The following BIRC2 variants were observed in gnomAD, a reference collection of about 807,000 sequenced individuals.
The protein encoded by BIRC2 is baculoviral IAP repeat-containing protein 2.
A neutral mutation model predicts 60.9 loss-of-function variants in BIRC2; 18 were observed. The ratio of observed to expected loss-of-function variants is 0.30; its 90% CI spans 0.20 to 0.44. BIRC2 has a LOEUF of 0.44. BIRC2 is among the 20% of genes least tolerant of loss of function. BIRC2 has a pLI of 1.00. For missense variants in BIRC2, 701 were observed against 728.5 expected, an observed-to-expected ratio of 0.96 and a Z score of 0.43; for synonymous variants, 282 against 247.7, an observed-to-expected ratio of 1.14 and a Z score of -1.30.
chr11:102,349,798 C>T lies in BIRC2; in HGVS notation c.-57C>T, dbSNP rs1451935174. 1 of 1,489,996 alleles carries T rather than the reference C, an allele frequency of 6.7e-7. No individual in the cohort carries two copies. Among genetic ancestry groups the T allele is most frequent in the Non-Finnish European group, 9.0e-7 (1 of 1,109,388 alleles). 92.3% of individuals were successfully genotyped at this position (1,489,996 alleles called of 1,614,324 possible). ...TCTTTTTGTGGTAAAAATCTTAGTT[C>T]ATGTGAAGAAATTTCATGTGAATGT... On this transcript the variant is annotated 5_prime_UTR_variant, in exon 2 of 9. Coordinates refer to ENST00000227758, the MANE Select transcript of BIRC2 (RefSeq NM_001166.5).
chr11:102,369,257 G>T (rs1488146398), intron 6 of BIRC2, among the ~76,000 whole-genome samples: 6 of 147,978 alleles, frequency 4.1e-5, no homozygotes, highest in Non-Finnish European at 3.0e-5. Context: ...CTGGTGCGCT[G>T]CACCCACTAA....
At chr11:102,372,321 C>T (rs894469656) in intron 6 of BIRC2, among the ~76,000 whole-genome samples, 2 of 152,102 alleles carry the variant, frequency 1.3e-5, no homozygotes, top group African/African-American at 4.8e-5. Flanking sequence ...TATAAATTTC[C>T]CTCTACACAC....
chr11:102,354,007 A>G (rs1387057632), intron 3 of BIRC2, among the ~76,000 whole-genome samples: 1 of 152,198 alleles, frequency 6.6e-6, no homozygotes, highest in African/African-American at 2.4e-5. Flanking sequence ...GAACCTGTGC[A>G]TCCAAAATTC....
At chr11:102,355,592 C>G (rs2135807462) in intron 3 of BIRC2, among the ~76,000 whole-genome samples, 1 of 152,040 alleles carries the variant, frequency 6.6e-6, no homozygotes, top group East Asian at 1.9e-4. Flanking sequence ...ATTGCTTAGG[C>G]TATTCTGGGC....
intron 4 of BIRC2, 49 bp downstream of exon 4, chr11:102,363,023 CAA>C (rs749514555): frequency 7.4e-7 from 1 of 1,343,934 alleles, no homozygotes; most frequent in Non-Finnish European, 1.0e-6. Flanking sequence ...TTTATAATAA[CAA>C]AAATATTATT....
At chr11:102,366,540 G>C in intron 5 of BIRC2, among the ~76,000 whole-genome samples, 1 of 151,778 alleles carries the variant, frequency 6.6e-6, no homozygotes, top group Non-Finnish European at 1.5e-5. Context: ...CTAATTTTTT[G>C]TATTTTTTTT....
intron 6 of BIRC2, among the ~76,000 whole-genome samples, chr11:102,374,306 T>C (rs1352429897): frequency 0.013 from 1,946 of 150,764 alleles, 35 homozygotes; most frequent in Middle Eastern, 0.021. Flanking sequence ...GTTTTATCTA[T>C]TTTTGGTCTT....
chr11:102,353,001 A>C (rs1951380904), intron 3 of BIRC2, among the ~76,000 whole-genome samples: 1 of 152,144 alleles, frequency 6.6e-6, no homozygotes, highest in South Asian at 2.1e-4. Context: ...TATCAAGATA[A>C]ATTTTGACTT....
intron 3 of BIRC2, among the ~76,000 whole-genome samples, chr11:102,354,944 G>GTTTTTTTTT (rs61520984): frequency 6.7e-4 from 60 of 89,636 alleles, no homozygotes; most frequent in East Asian, 1.3e-3. Flanking sequence ...AATTATTTGG[G>GTTTTTTTTT]TTTTTTTTTT....
intron 5 of BIRC2, 105 bp downstream of exon 5, chr11:102,363,821 C>G: frequency 1.2e-6 from 1 of 805,070 alleles, no homozygotes; most frequent in Admixed American, 2.4e-5. Context: ...CTTTGAGAGG[C>G]CGAGGTTGAC....
chr11:102,368,386 A>G lies in BIRC2; in HGVS notation c.1204A>G (p.Met402Val), dbSNP rs757979884. Residue 402 changes from methionine to valine, a missense_variant, in exon 6 of 9, where the codon ATG (methionine) becomes GTG (valine). Around this residue, in one of 4 missense-constraint regions of BIRC2, gnomAD observed 235 missense variants for 208.9 expected, o/e 1.12. Transcript: ENST00000227758. ...NTPVVKSALE[M>V]GFNRDLVKQT... ...ACCTGTGGTTAAATCTGCCTTGGAAATGGGCTTTAATAGAGACCTGGTGAA... is the reference window on the plus strand; with the variant it reads ...ACCTGTGGTTAAATCTGCCTTGGAAGTGGGCTTTAATAGAGACCTGGTGAA... The G allele has an allele frequency of 6.2e-7, 1 of 1,614,096 alleles. No homozygotes were observed. Among genetic ancestry groups the G allele is most frequent in the Non-Finnish European group, 8.5e-7 (1 of 1,179,984 alleles).
chr11:102,355,210 G>A (rs1297526197), intron 3 of BIRC2, among the ~76,000 whole-genome samples: 4 of 151,982 alleles, frequency 2.6e-5, no homozygotes, highest in South Asian at 4.2e-4. Context: ...TTTAGCCTAC[G>A]TTTTCTTTAA....
At chr11:102,357,661 TA>T (rs1951439012) in intron 3 of BIRC2, among the ~76,000 whole-genome samples, 1 of 152,144 alleles carries the variant, frequency 6.6e-6, no homozygotes, top group Admixed American at 6.5e-5. Flanking sequence ...TGATTTTATT[TA>T]TTTTCGTCTT....
intron 3 of BIRC2, among the ~76,000 whole-genome samples, chr11:102,361,145 G>A (rs118022413): frequency 0.015 from 2,295 of 152,310 alleles, 26 homozygotes; most frequent in Middle Eastern, 0.031. Flanking sequence ...TGATGGCGTG[G>A]ACACCTGTGG....
chr11:102,363,922 T>C (rs1951514349), intron 5 of BIRC2, among the ~76,000 whole-genome samples: 1 of 151,214 alleles, frequency 6.6e-6, no homozygotes, highest in Non-Finnish European at 1.5e-5. Context: ...GGGTGTGATG[T>C]GCCTGTAGTC....
Position 102,378,092 on chromosome 11 carries a change from T to G in BIRC2, c.1766T>G (p.Leu589Arg), listed in dbSNP as rs1215922246. 6.2e-7 allele frequency: 1 copy of G among 1,613,888 alleles called. No individual in the cohort carries two copies. ...VSVVFIPCGH[L>R]VVCQECAPSL... is the part of the protein sequence containing the mutation. ...GTTGTATTTATTCCTTGTGGTCATC[T>G]GGTAGTATGCCAGGAATGTGCCCCT... The change falls in exon 9 of 9, where the codon CTG becomes CGG. Residue 589 changes from leucine to arginine, a missense_variant. By Grantham distance (102) the Leu-to-Arg change is moderately radical. This residue lies in a region of BIRC2 where 52 missense variants were observed against 83.9 expected (regional missense o/e 0.62). Coordinates refer to ENST00000227758, the MANE Select transcript of BIRC2 (RefSeq NM_001166.5).
At chr11:102,360,931 G>T (rs1245225934) in intron 3 of BIRC2, among the ~76,000 whole-genome samples, 1 of 152,058 alleles carries the variant, frequency 6.6e-6, no homozygotes, top group Non-Finnish European at 1.5e-5. Context: ...TTGTCAGTGA[G>T]GATTGCAGGG....
At position 102,365,985 on chromosome 11, in the gene BIRC2, G is replaced by C. The variant is rs1288701911; in HGVS notation, c.1123+2269G>C. Among the ~76,000 whole-genome samples the C allele has an allele frequency of 5.3e-5, 8 of 152,056 alleles. No individual in the cohort carries two copies. In the East Asian group the frequency reaches 1.5e-3, roughly 29 times the overall value. ...TGGTTGGTCCTGAACAATTTCCTTTGTTGGCTGCTCCTTTTTCAAACTTCA... is the reference window on the plus strand; with the variant it reads ...TGGTTGGTCCTGAACAATTTCCTTTCTTGGCTGCTCCTTTTTCAAACTTCA... On this transcript the variant is annotated intron_variant, in intron 5 of 8. Transcript: ENST00000227758.
chr11:102,362,285 A>G (rs1040215013), intron 3 of BIRC2, among the ~76,000 whole-genome samples: 1 of 152,142 alleles, frequency 6.6e-6, no homozygotes, highest in Non-Finnish European at 1.5e-5. Context: ...TCTGTTGTAT[A>G]GTATCATTTA....
Sources: gnomAD v4.1 joint callset for allele counts (sites outside exome capture counted in the v4.1 genomes callset) on GRCh38, gnomAD v4.1.1 for gene constraint, gnomAD v4.1.1 regional missense constraint, MANE v1.5 for transcripts, NCBI Gene and HGNC (gene_info 2026-07-23, HGNC 2026-07-21) for gene names.